Variants in PCDHGA1 observed in about 807,000 individuals in gnomAD.
PCDHGA1 encodes the protein protocadherin gamma-A1.
In PCDHGA1, 32 loss-of-function variants were observed where a neutral mutation model predicts 58.0. The observed-to-expected ratio is 0.55, with a 90% CI of 0.42 to 0.74. PCDHGA1 has a LOEUF of 0.74. PCDHGA1 is among the 30% of genes least tolerant of loss of function. PCDHGA1 has a pLI of 0.00. For synonymous variants in PCDHGA1, 498 were observed against 501.1 expected, an observed-to-expected ratio of 0.99 and a Z score of 0.08; for missense variants, 1,205 against 1,182.3, an observed-to-expected ratio of 1.02 and a Z score of -0.28.
chr5:141,382,965 C>T, intron 1 of PCDHGA1: 1 of 1,608,730 alleles, frequency 6.2e-7, no homozygotes, highest in East Asian at 2.2e-5. Flanking sequence ...TCCTGGGGAC[C>T]CCCTGGGAAG....
chr5:141,484,988 G>A (rs1187402042), intron 1 of PCDHGA1: 2 of 604,830 alleles, frequency 3.3e-6, no homozygotes, highest in Admixed American at 3.0e-5. Context: ...CAATCGGGTG[G>A]TGAAAGGCAG....
chr5:141,437,388 C>T (rs1434464979), intron 1 of PCDHGA1, among the ~76,000 whole-genome samples: 1 of 152,186 alleles, frequency 6.6e-6, no homozygotes, highest in Non-Finnish European at 1.5e-5. Context: ...AGACATTCAT[C>T]CACTGCTTTC....
Position 141,420,141 on chromosome 5 carries a change from T to C in PCDHGA1, c.2422-74666T>C, listed in dbSNP as rs556066866. 9.9e-6 allele frequency: 16 copies of C among 1,614,040 alleles called. No homozygotes were observed. The East Asian group carries it at 3.3e-4, about 34-fold the overall frequency. On this transcript the variant is annotated intron_variant, in intron 1 of 3. Coordinates refer to ENST00000517417, the MANE Select transcript of PCDHGA1 (RefSeq NM_018912.3). ...AATTTTTGTGTGCCTGGGGATCAAA[T>C]GAATCCAGAATTTAATTTTTTCACA... is the stretch of plus-strand genomic sequence containing the variant.
At chr5:141,422,716 G>T (rs1348237465) in intron 1 of PCDHGA1, 1 of 1,604,378 alleles carries the variant, frequency 6.2e-7, no homozygotes, top group African/African-American at 1.3e-5. Context: ...GGATGACACT[G>T]TCCAGGGGGT....
At chr5:141,371,254 A>T in intron 1 of PCDHGA1, 1 of 1,614,046 alleles carries the variant, frequency 6.2e-7, no homozygotes, top group Admixed American at 1.7e-5. Context: ...ATTGGCAAGG[A>T]AGTGAGACAA....
intron 1 of PCDHGA1, chr5:141,343,154 G>A (rs1042643058): frequency 3.8e-6 from 1 of 264,764 alleles, no homozygotes; most frequent in African/African-American, 2.3e-5. Context: ...GGAAGCTACT[G>A]TGTCTATATT....
chr5:141,491,896 C>A lies in PCDHGA1; in HGVS notation c.2422-2911C>A. ...CGATTAAGGGATGGGGCTCCGAGCA[C>A]CGGGGGTGGTGGCGACTGTGGGCGA... On this transcript the variant is annotated intron_variant, in intron 1 of 3. Coordinates refer to ENST00000517417, the MANE Select transcript of PCDHGA1 (RefSeq NM_018912.3). This position sits in a 1 kb window ranked among gnomAD's most constrained non-coding sequence, Gnocchi z 6.9. 1 of 1,434,504 alleles carries A rather than the reference C, an allele frequency of 7.0e-7. No homozygotes were observed. Among genetic ancestry groups the A allele is most frequent in the Non-Finnish European group, 9.2e-7 (1 of 1,084,690 alleles). The allele number at this position is 1,434,504 out of a possible 1,614,324, so 88.9% of individuals were successfully genotyped here.
At chr5:141,436,384 CT>C (rs768914860) in intron 1 of PCDHGA1, among the ~76,000 whole-genome samples, 1 of 152,104 alleles carries the variant, frequency 6.6e-6, no homozygotes, top group Non-Finnish European at 1.5e-5. Context: ...GCTGAATAGG[CT>C]TTATTAAATA....
chr5:141,349,429 A>G (rs1156795847), intron 1 of PCDHGA1, among the ~76,000 whole-genome samples: 1 of 152,182 alleles, frequency 6.6e-6, no homozygotes, highest in Admixed American at 6.5e-5. Flanking sequence ...TGTACATTAT[A>G]TGAGATTCCA....
intron 1 of PCDHGA1, chr5:141,423,398 G>C (rs767594062): frequency 6.8e-6 from 11 of 1,614,172 alleles, no homozygotes; most frequent in Non-Finnish European, 9.3e-6. Context: ...CATAAGTCAC[G>C]CCTGCTGCAG....
At chr5:141,350,027 C>T (rs536709950) in intron 1 of PCDHGA1, 2 of 373,222 alleles carry the variant, frequency 5.4e-6, no homozygotes, top group African/African-American at 2.1e-5. Flanking sequence ...TTTTCCAAGA[C>T]AACCTCTGGG....
At chr5:141,360,845 A>G in intron 1 of PCDHGA1, 2 of 1,614,014 alleles carry the variant, frequency 1.2e-6, no homozygotes, top group Non-Finnish European at 1.7e-6. Context: ...GATGCCAACG[A>G]TAACCCTCCA....
In PCDHGA1 at chr5:141,493,269, C is replaced by T. The variant is rs142898207; in HGVS notation, c.2422-1538C>T. ...ACATGCCTCTCTTATAACAGCTTCA[C>T]AGAGGTCAAGTGACTTGCTCAAGTT... is the stretch of plus-strand genomic sequence containing the variant. On this transcript the variant is annotated intron_variant, in intron 1 of 3. Coordinates refer to ENST00000517417, the MANE Select transcript of PCDHGA1 (RefSeq NM_018912.3). This position sits in a 1 kb window ranked among gnomAD's most constrained non-coding sequence, Gnocchi z 4.3. Among the ~76,000 whole-genome samples the T allele has an allele frequency of 1.3e-5, 2 of 152,322 alleles. No individual in the cohort carries two copies. The highest frequency in any genetic ancestry group is 4.8e-5 in the African/African-American group (2 of 41,570).
In PCDHGA1 at chr5:141,331,225, G is replaced by C; in HGVS notation, c.541G>C (p.Asp181His). The part of the protein sequence containing the change: ...QLSSNPHFSL[D>H]VQQGADGPQH... Reference sequence around the variant, plus strand: ...CAGCTCTAACCCTCATTTCTCCCTGGATGTGCAACAGGGAGCCGATGGGCC... The same window carrying C: ...CAGCTCTAACCCTCATTTCTCCCTGCATGTGCAACAGGGAGCCGATGGGCC... The change falls in exon 1 of 4, where the codon GAT (aspartate) becomes CAT (histidine). Residue 181 changes from aspartate (D) to histidine (H), a missense_variant. Asp to His is a moderately conservative substitution (Grantham distance 81, BLOSUM62 -1). Coordinates refer to ENST00000517417, the MANE Select transcript of PCDHGA1 (RefSeq NM_018912.3). 1 of 1,614,094 alleles carries C rather than the reference G, an allele frequency of 6.2e-7. No individual in the cohort carries two copies. The highest frequency in any genetic ancestry group is 8.5e-7 in the Non-Finnish European group (1 of 1,180,032).
At chr5:141,423,744 A>G in intron 1 of PCDHGA1, 1 of 429,464 alleles carries the variant, frequency 2.3e-6, no homozygotes. Context: ...TGTTATGAAA[A>G]CTGTTTGGGG....
At chr5:141,430,383 GA>G (rs139772145) in intron 1 of PCDHGA1, among the ~76,000 whole-genome samples, 3,229 of 138,382 alleles carry the variant, frequency 0.023, 41 homozygotes, top group African/African-American at 0.033. Flanking sequence ...AGCTCATTGG[GA>G]AAAAAAAAAA....
At chr5:141,464,413 A>G (rs2099083422) in intron 1 of PCDHGA1, among the ~76,000 whole-genome samples, 1 of 151,632 alleles carries the variant, frequency 6.6e-6, no homozygotes, top group African/African-American at 2.4e-5. Context: ...ATATATATAT[A>G]TCTATATATA....
intron 1 of PCDHGA1, chr5:141,394,856 G>T (rs1008039711): frequency 1.2e-6 from 2 of 1,613,674 alleles, no homozygotes; most frequent in African/African-American, 2.7e-5. Context: ...TGAAGCCTTC[G>T]GTCGACCCGA....
chr5:141,460,470 A>T (rs2098990057), intron 1 of PCDHGA1, among the ~76,000 whole-genome samples: 1 of 152,110 alleles, frequency 6.6e-6, no homozygotes, highest in South Asian at 2.1e-4. Flanking sequence ...TTTCCAAAGG[A>T]ATATCCAATT....
Sources: allele counts gnomAD v4.1 joint callset (sites outside exome capture counted in the v4.1 genomes callset), GRCh38; gene constraint gnomAD v4.1.1; non-coding constraint Gnocchi (gnomAD v3.1); transcripts MANE v1.5; gene names NCBI Gene and HGNC (gene_info 2026-07-23, HGNC 2026-07-21).